The following ARFGEF2 variants were observed in gnomAD, a reference collection of about 807,000 sequenced individuals.
The protein encoded by ARFGEF2 is brefeldin A-inhibited guanine nucleotide-exchange protein 2.
Under a neutral mutation model 219.9 loss-of-function variants are expected in ARFGEF2, and 74 were observed. That is an observed-to-expected ratio of 0.34 (90% CI 0.28 to 0.41). The LOEUF (loss-of-function observed/expected upper bound fraction) is 0.41, where lower values mean the gene tolerates loss of function less well. Ranked by LOEUF, ARFGEF2 falls within the 10% of genes least tolerant of loss-of-function variation. ARFGEF2 has a pLI of 1.00. For missense variants in ARFGEF2, 1,743 were observed against 2,218.3 expected (o/e 0.79, Z 4.30); for synonymous variants, 733 against 799.2 (o/e 0.92, Z 1.40).
In ARFGEF2 at chr20:49,036,248, T is replaced by C. The variant is rs567341304; in HGVS notation, c.*3049T>C. 2.5e-6 allele frequency: 1 copy of C among 398,268 alleles called. No individual in the cohort carries two copies. Among genetic ancestry groups the C allele is most frequent in the Admixed American group, 4.4e-5 (1 of 22,712 alleles). The allele number at this position is 398,268 out of a possible 1,614,324, so 24.7% of individuals were successfully genotyped here. ...CACATGGAATCCTGGAGTTTTGTTA[T>C]CAGCAGCTTTGCAGTTTGGGAAACA... On this transcript the variant is annotated 3_prime_UTR_variant, in exon 39 of 39. Coordinates refer to ENST00000371917, the MANE Select transcript of ARFGEF2 (RefSeq NM_006420.3).
chr20:48,995,758 G>C lies in ARFGEF2; in HGVS notation c.3122-25G>C, dbSNP rs373194534. 10 of 1,600,728 alleles carry C rather than the reference G, an allele frequency of 6.2e-6. No individual in the cohort carries two copies. In the African/African-American group the frequency reaches 1.2e-4, roughly 19 times the overall value. On this transcript the variant is annotated intron_variant, in intron 22 of 38. Transcript: ENST00000371917. Reference sequence around the variant, plus strand: ...AATACTTGACTGTTTTTGAAGTACTGCTGATTTTGTGCATTGTGTTTCAGG... The same window carrying C: ...AATACTTGACTGTTTTTGAAGTACTCCTGATTTTGTGCATTGTGTTTCAGG...
intron 14 of ARFGEF2, among the ~76,000 whole-genome samples, chr20:48,977,979 T>C (rs548393599): frequency 3.0e-4 from 45 of 152,364 alleles, no homozygotes; most frequent in African/African-American, 1.0e-3. Context: ...CTCTTTCGTT[T>C]AATTAGATCC....
intron 10 of ARFGEF2, 104 bp from the exon 11 acceptor site, chr20:48,972,222 G>A: frequency 2.5e-6 from 2 of 785,916 alleles, no homozygotes; most frequent in Admixed American, 1.9e-5. Context: ...TGCCCAGGGT[G>A]CTTTACTTAC....
intron 14 of ARFGEF2, among the ~76,000 whole-genome samples, chr20:48,980,719 C>T (rs1460040881): frequency 1.3e-5 from 2 of 152,116 alleles, no homozygotes; most frequent in Non-Finnish European, 1.5e-5. Flanking sequence ...TTGAATTGAT[C>T]CCTTTACCAT....
chr20:48,981,688 T>A (rs1001980528), intron 14 of ARFGEF2, among the ~76,000 whole-genome samples: 3 of 152,236 alleles, frequency 2.0e-5, no homozygotes, highest in Non-Finnish European at 4.4e-5. Flanking sequence ...TTCTTTTTAT[T>A]CTTTTTTCTG....
At chr20:48,995,715 A>G in intron 22 of ARFGEF2, 68 bp from the exon 23 acceptor site, 2 of 1,368,158 alleles carry the variant, frequency 1.5e-6, no homozygotes, top group Non-Finnish European at 2.1e-6. Flanking sequence ...TGTTGACATA[A>G]CAGGATGCTT....
chr20:48,963,054 A>C (rs923764624), intron 6 of ARFGEF2, among the ~76,000 whole-genome samples: 17 of 151,934 alleles, frequency 1.1e-4, no homozygotes, highest in Admixed American at 4.6e-4. Context: ...CTAAAACTAC[A>C]AAAATTAGCC....
At chr20:49,026,714 T>C (rs1378849234) in intron 36 of ARFGEF2, among the ~76,000 whole-genome samples, 1 of 151,738 alleles carries the variant, frequency 6.6e-6, no homozygotes, top group East Asian at 1.9e-4. Flanking sequence ...GCCTTCCAAG[T>C]AGTTGGGTTT....
intron 20 of ARFGEF2, 117 bp downstream of exon 20, chr20:48,989,801 A>G: frequency 7.0e-7 from 1 of 1,434,284 alleles, no homozygotes; most frequent in Non-Finnish European, 9.6e-7. Context: ...CAAGCTACTT[A>G]CTTATGCCTA....
In ARFGEF2 at chr20:49,005,297, CAT is replaced by C. The variant is rs556215657; in HGVS notation, c.3584+77_3584+78del. On this transcript the variant is annotated intron_variant, in intron 26 of 38. Coordinates refer to ENST00000371917, the MANE Select transcript of ARFGEF2 (RefSeq NM_006420.3). ...CCAGAAGCCCTCCTAACACTAACCA[CAT>C]GATTAATTTTTTTCCTCCCTTGTCA... 205 of 1,570,556 alleles carry C rather than the reference CAT, an allele frequency of 1.3e-4. No homozygotes were observed. In the African/African-American group the frequency reaches 2.4e-3, roughly 18 times the overall value.
rs1174701950 is a variant in ARFGEF2 at position 49,005,220 on chromosome 20, A to G, written c.3583A>G (p.Arg1195Gly). The G allele has an allele frequency of 6.2e-7, 1 of 1,614,208 alleles. No homozygotes were observed. Among genetic ancestry groups the G allele is most frequent in the Non-Finnish European group, 8.5e-7 (1 of 1,180,048 alleles). The change falls in exon 26 of 39, where the codon AGG becomes GGG. Residue 1195 changes from arginine (R) to glycine (G), a missense_variant and splice_region_variant. By Grantham distance (125) the Arg-to-Gly change is moderately radical. Coordinates refer to ENST00000371917, the MANE Select transcript of ARFGEF2 (RefSeq NM_006420.3). ...RPFEHIMKKNRSPTIRDMAIR... is the reference protein window; with the variant it reads ...RPFEHIMKKNGSPTIRDMAIR... Reference sequence around the variant, plus strand: ...CTTTGAGCATATTATGAAGAAAAACAGGTATGTGTTTTGCTCTGGAAGACG... The same window carrying G: ...CTTTGAGCATATTATGAAGAAAAACGGGTATGTGTTTTGCTCTGGAAGACG...
At chr20:48,988,734 C>G (rs2091340735) in intron 18 of ARFGEF2, 72 bp downstream of exon 18, 2 of 1,388,034 alleles carry the variant, frequency 1.4e-6, no homozygotes, top group South Asian at 1.2e-5. Context: ...ATTAAATACT[C>G]TGGTGATAAA....
chr20:49,012,046 A>G lies in ARFGEF2; in HGVS notation c.3880A>G (p.Ile1294Val). The G allele has an allele frequency of 6.2e-7, 1 of 1,614,116 alleles. No individual in the cohort carries two copies. Residue 1294 changes from isoleucine to valine, a missense_variant, in exon 28 of 39, where the codon ATC (isoleucine) becomes GTC (valine). Around this residue, in one of 5 missense-constraint regions of ARFGEF2, gnomAD observed 578 missense variants for 664.0 expected, o/e 0.87. Transcript: ENST00000371917. ...PDTSMEAIRL[I>V]RFCGKYVSER... The stretch of plus-strand genomic sequence containing the variant: ...CACGAGCATGGAAGCGATTCGGCTC[A>G]TCCGCTTCTGTGGCAAATACGTCTC...
rs1453379998 is a variant in ARFGEF2 at position 49,035,292 on chromosome 20, G to T, written c.*2093G>T. 6.6e-6 allele frequency: 1 copy of T among 152,130 alleles called. No homozygotes were observed. Among genetic ancestry groups the T allele is most frequent in the African/African-American group, 2.4e-5 (1 of 41,426 alleles). The allele number at this position is 152,130 out of a possible 1,614,324, so 9.4% of individuals were successfully genotyped here. ...CCCTCTCTTTAATTTTGCCTCTTGA[G>T]GGGTAGCAGATGTGTCAGTGCATTT... On this transcript the variant is annotated 3_prime_UTR_variant, in exon 39 of 39. Transcript: ENST00000371917.
intron 27 of ARFGEF2, among the ~76,000 whole-genome samples, chr20:49,011,411 A>G (rs2091497432): frequency 6.6e-6 from 1 of 152,188 alleles, no homozygotes; most frequent in Non-Finnish European, 1.5e-5. Flanking sequence ...TATTTCCCCC[A>G]TGTTACTAAA....
chr20:48,985,703 A>T (rs145807024), intron 16 of ARFGEF2, 90 bp downstream of exon 16: 3 of 1,363,362 alleles, frequency 2.2e-6, no homozygotes, highest in Non-Finnish European at 3.1e-6. Flanking sequence ...ATCTTTGTAT[A>T]TCTGTGCCAA....
chr20:48,945,392 C>T (rs1472104435), intron 3 of ARFGEF2, among the ~76,000 whole-genome samples: 1 of 152,198 alleles, frequency 6.6e-6, no homozygotes, highest in Admixed American at 6.5e-5. Flanking sequence ...GGTTGCTGCT[C>T]TTAACTGGCC....
At chr20:48,951,106 T>G (rs2091068278) in intron 3 of ARFGEF2, among the ~76,000 whole-genome samples, 1 of 151,928 alleles carries the variant, frequency 6.6e-6, no homozygotes, top group Non-Finnish European at 1.5e-5. Context: ...TACCTTGCAT[T>G]TTTCATCGGA....
intron 11 of ARFGEF2, among the ~76,000 whole-genome samples, chr20:48,972,685 A>G (rs1430162215): frequency 5.9e-5 from 9 of 152,238 alleles, no homozygotes; most frequent in Admixed American, 5.9e-4. Flanking sequence ...ACACTTGGTT[A>G]CGTTACCTAC....
Sources: gnomAD v4.1 joint callset for allele counts (sites outside exome capture counted in the v4.1 genomes callset) on GRCh38, gnomAD v4.1.1 for gene constraint, gnomAD v4.1.1 regional missense constraint, MANE v1.5 for transcripts, NCBI Gene and HGNC (gene_info 2026-07-23, HGNC 2026-07-21) for gene names.